The following MEF2D variants were observed in gnomAD, a reference collection of about 807,000 sequenced individuals.
MEF2D encodes the protein myocyte enhancer factor 2D.
MEF2D carries 10 observed loss-of-function variants against 59.3 expected under a neutral mutation model. The ratio of observed to expected loss-of-function variants is 0.17; its 90% confidence interval spans 0.10 to 0.29. The LOEUF is 0.29. Ranked by LOEUF, MEF2D falls within the 10% of genes least tolerant of loss-of-function variation. The probability of loss-of-function intolerance (pLI) is 1.00; values close to 1 mark genes in which losing one functional copy is unlikely to be tolerated. For synonymous variants in MEF2D, 305 were observed against 295.0 expected, an observed-to-expected ratio of 1.03 and a Z score of -0.35; for missense variants, 508 against 699.4, an observed-to-expected ratio of 0.73 and a Z score of 3.09.
chr1:156,478,895 G>A (rs567262659), intron 6 of MEF2D, among the ~76,000 whole-genome samples: 3 of 152,266 alleles, frequency 2.0e-5, no homozygotes, highest in Non-Finnish European at 2.9e-5. Context: ...TCTGTAAGAG[G>A]GAGAATGCAC....
rs760840297 is a variant in MEF2D at position 156,467,977 on chromosome 1, G to A, written c.1554+16C>T. On this transcript the variant is annotated intron_variant, in intron 11 of 11. Transcript: ENST00000348159. The stretch of plus-strand genomic sequence containing the variant: ...GTAGCAGACACTGGCAGACAGGAGA[G>A]GTGATGCTACAGTACCCAGGTATCA... 3 of 1,601,908 alleles carry A rather than the reference G, an allele frequency of 1.9e-6. No individual in the cohort carries two copies. The highest frequency in any genetic ancestry group is 2.6e-6 in the Non-Finnish European group (3 of 1,174,684).
intron 1 of MEF2D, among the ~76,000 whole-genome samples, chr1:156,491,234 G>A (rs893936069): frequency 5.3e-5 from 8 of 152,226 alleles, no homozygotes; most frequent in African/African-American, 1.7e-4. Flanking sequence ...TCCTGAGTAA[G>A]TCACTGCCTT....
intron 7 of MEF2D, among the ~76,000 whole-genome samples, chr1:156,476,761 A>G (rs1268788717): frequency 6.6e-6 from 1 of 152,062 alleles, no homozygotes; most frequent in Admixed American, 6.6e-5. Flanking sequence ...AATCCTTTCT[A>G]TGATCCTCCC....
In MEF2D at chr1:156,480,954, G is replaced by A; in HGVS notation, c.276C>T (p.Gly92=). The A allele has an allele frequency of 6.2e-7, 1 of 1,612,000 alleles. No homozygotes were observed. The highest frequency in any genetic ancestry group is 8.5e-7 in the Non-Finnish European group (1 of 1,179,932). ...ADIIETLRKK[G]FNGCDSPEPD... is the part of the protein sequence containing the mutation. ...GCTCGGGGCTGTCGCAGCCGTTGAA[G>A]CCCTTCTTCCTCAGGGTCTGTAACC... The change falls in exon 4 of 12, where the codon GGC becomes GGT. Residue 92 remains glycine, a synonymous_variant. Transcript: ENST00000348159.
At position 156,468,417 on chromosome 1, in the gene MEF2D, G is replaced by C; in HGVS notation, c.1248-118C>G. ...GAGAACAAGAGGATGAGAATATGGG[G>C]GATGGGGTGTTGGGGAGAGGCAATT... On this transcript the variant is annotated intron_variant, in intron 10 of 11. Coordinates refer to ENST00000348159, the MANE Select transcript of MEF2D (RefSeq NM_005920.4). This position sits in a 1 kb window ranked among gnomAD's most constrained non-coding sequence, Gnocchi z 4.3. The C allele has an allele frequency of 1.3e-6, 1 of 744,834 alleles. No homozygotes were observed. The highest frequency in any genetic ancestry group is 2.1e-6 in the Non-Finnish European group (1 of 466,832). 46.1% of individuals were successfully genotyped at this position (744,834 alleles called of 1,614,324 possible).
In MEF2D at chr1:156,477,187, C is replaced by T. The variant is rs1314535165; in HGVS notation, c.680G>A (p.Ser227Asn). The T allele has an allele frequency of 1.2e-6, 2 of 1,603,732 alleles. No homozygotes were observed. Among genetic ancestry groups the T allele is most frequent in the Admixed American group, 3.4e-5 (2 of 58,740 alleles). The change falls in exon 7 of 12, where the codon AGT becomes AAT. Residue 227 changes from serine to asparagine, a missense_variant. Coordinates refer to ENST00000348159, the MANE Select transcript of MEF2D (RefSeq NM_005920.4). ...GAGGAGGCCAGGGGAAGCCCGAGCACTGACGTAGCCATTCCCTGGAGAAGT... is the reference window on the plus strand; with the variant it reads ...GAGGAGGCCAGGGGAAGCCCGAGCATTGACGTAGCCATTCCCTGGAGAAGT... ...CPSPVGNGYV[S>N]ARASPGLLPV... is the part of the protein sequence containing the mutation.
At chr1:156,476,352 A>G in intron 8 of MEF2D, 142 bp downstream of exon 8, 1 of 1,005,292 alleles carries the variant, frequency 9.9e-7, no homozygotes, top group Non-Finnish European at 1.5e-6. Flanking sequence ...ACCTAAGCAC[A>G]GCTCCTGGCA....
chr1:156,470,811 C>T (rs1671193352), intron 9 of MEF2D, among the ~76,000 whole-genome samples: 1 of 152,108 alleles, frequency 6.6e-6, no homozygotes, highest in Non-Finnish European at 1.5e-5. Flanking sequence ...AGAAAATAAT[C>T]AAAAGATTTA....
At position 156,493,541 on chromosome 1, in the gene MEF2D, T is replaced by G. The variant is rs2102255843; in HGVS notation, c.-139+6945A>C. Among the ~76,000 whole-genome samples the G allele has an allele frequency of 2.1e-5, 3 of 142,476 alleles. 1 individual carries two copies. The highest frequency in any genetic ancestry group is 4.8e-4 in the South Asian group (2 of 4,146). 93.5% of individuals were successfully genotyped at this position (142,476 alleles called of 152,430 possible). A position where few individuals can be genotyped will look rare whatever the true frequency, so the allele number is the denominator to read the frequency against. On this transcript the variant is annotated intron_variant, in intron 1 of 11. Transcript: ENST00000348159. ...GGAAAGGTGCCAGGTGAGGCTAAGA[T>G]GCCCAGCCAGATGGAGGGGGGCCCA...
Position 156,485,525 on chromosome 1 carries a change from T to C in MEF2D, c.-138-2095A>G, listed in dbSNP as rs1348405133. On this transcript the variant is annotated intron_variant, in intron 1 of 11. Transcript: ENST00000348159. ...ACTCCCTACCCTTCTCCTTCTTCTT[T>C]TTTTTTTTTTTTTTTGGTGGTGGTT... Among the ~76,000 whole-genome samples the C allele has an allele frequency of 2.4e-3, 57 of 23,342 alleles. 1 individual carries two copies. The South Asian group carries it at 0.03, about 12-fold the overall frequency. The allele number at this position is 23,342 out of a possible 152,430, so 15.3% of individuals were successfully genotyped here.
chr1:156,484,132 G>A (rs1472959790), intron 1 of MEF2D: 2 of 152,270 alleles, frequency 1.3e-5, no homozygotes, highest in African/African-American at 4.8e-5. Context: ...GAGAAGAGAA[G>A]AAAGAGTAGA....
rs192639392 is a variant in MEF2D, at chr1:156,475,351, C to G, written c.877-114G>C. 3.2e-4 allele frequency: 424 copies of G among 1,332,180 alleles called. 4 individuals carry two copies. In the Admixed American group the frequency reaches 0.011, roughly 33 times the overall value. The allele number at this position is 1,332,180 out of a possible 1,614,324, so 82.5% of individuals were successfully genotyped here. ...GAATCCCAAAGCCAAGGCGGGGTGC[C>G]TTAGCACGGAGGCCCCCACAGATAT... On this transcript the variant is annotated intron_variant, in intron 8 of 11. Transcript: ENST00000348159.
intron 1 of MEF2D, among the ~76,000 whole-genome samples, chr1:156,495,614 T>C (rs527965651): frequency 4.1e-4 from 62 of 151,760 alleles, no homozygotes; most frequent in Non-Finnish European, 6.8e-4. Flanking sequence ...CAGTGAGCCA[T>C]GATGGCACCA....
chr1:156,497,996 A>C (rs986324925), intron 1 of MEF2D, among the ~76,000 whole-genome samples: 4 of 151,102 alleles, frequency 2.6e-5, no homozygotes, highest in African/African-American at 9.8e-5. Flanking sequence ...TCGGGGGCCA[A>C]GGCACCTCCC....
At chr1:156,481,095 C>T in intron 3 of MEF2D, 124 bp from the exon 4 acceptor site, 2 of 1,378,102 alleles carry the variant, frequency 1.5e-6, no homozygotes, top group Non-Finnish European at 2.0e-6. Context: ...GGGTTCCCAG[C>T]ATCTCCCTGG....
At chr1:156,477,237 AC>A in intron 6 of MEF2D, 35 bp from the exon 7 acceptor site, 1 of 1,544,102 alleles carries the variant, frequency 6.5e-7, no homozygotes, top group Non-Finnish European at 8.8e-7. Context: ...AAAAGGAAAA[AC>A]ATGGGCCTAT....
chr1:156,486,994 C>A (rs551138685), intron 1 of MEF2D, among the ~76,000 whole-genome samples: 35 of 152,300 alleles, frequency 2.3e-4, no homozygotes, highest in African/African-American at 7.9e-4. Context: ...CACCACCTAC[C>A]CTCCAACCAC....
chr1:156,475,440 G>C (rs989178317), intron 8 of MEF2D, among the ~76,000 whole-genome samples: 2 of 152,382 alleles, frequency 1.3e-5, no homozygotes, highest in African/African-American at 4.8e-5. Flanking sequence ...TGCACACACA[G>C]ATTCACTGAC....
Position 156,488,580 on chromosome 1 carries a change from AC to A in MEF2D, c.-138-5151del, listed in dbSNP as rs774214103. 2.0e-5 allele frequency among the ~76,000 whole-genome samples: 3 copies of A among 152,316 alleles called. No homozygotes were observed. The East Asian group carries it at 5.8e-4, about 29-fold the overall frequency. Reference sequence around the variant, plus strand: ...CAATTAGAACTTGTGGGTTGTGTTTACATGCAAATGAGCTACACATGATGTG... The same window carrying A: ...CAATTAGAACTTGTGGGTTGTGTTTAATGCAAATGAGCTACACATGATGTG... On this transcript the variant is annotated intron_variant, in intron 1 of 11. Coordinates refer to ENST00000348159, the MANE Select transcript of MEF2D (RefSeq NM_005920.4).
Sources: allele counts gnomAD v4.1 joint callset (sites outside exome capture counted in the v4.1 genomes callset), GRCh38; gene constraint gnomAD v4.1.1; non-coding constraint Gnocchi (gnomAD v3.1); transcripts MANE v1.5; gene names NCBI Gene and HGNC (gene_info 2026-07-23, HGNC 2026-07-21).